The following OSBPL11 variants were observed in gnomAD, a reference collection of about 807,000 sequenced individuals.
The protein encoded by OSBPL11 is oxysterol binding protein like 11.
OSBPL11 carries 33 observed loss-of-function variants against 84.4 expected under a neutral mutation model. That is an observed-to-expected ratio of 0.39 (90% CI 0.30 to 0.52). The LOEUF (loss-of-function observed/expected upper bound fraction) is 0.52. Among genes scored for constraint, OSBPL11 ranks in the 20% least tolerant of loss-of-function variants. The pLI is 0.72. For missense variants in OSBPL11, 736 were observed against 901.1 expected (o/e 0.82, Z 2.35); for synonymous variants, 276 against 310.2 (o/e 0.89, Z 1.16).
chr3:125,542,464 T>G (rs1416952042), intron 10 of OSBPL11, among the ~76,000 whole-genome samples: 2 of 151,612 alleles, frequency 1.3e-5, no homozygotes, highest in Non-Finnish European at 2.9e-5. Context: ...GCCTCCCGAG[T>G]AGCTGGGATT....
At chr3:125,588,196 T>TG (rs931294145) in intron 1 of OSBPL11, among the ~76,000 whole-genome samples, 7 of 132,936 alleles carry the variant, frequency 5.3e-5, no homozygotes, top group African/African-American at 2.1e-4. Flanking sequence ...TACTCCAGGC[T>TG]GGGCGTCAGA....
chr3:125,586,683 C>T (rs1936516297), intron 1 of OSBPL11, among the ~76,000 whole-genome samples: 1 of 151,868 alleles, frequency 6.6e-6, no homozygotes, highest in Non-Finnish European at 1.5e-5. Context: ...TGCCTGGCTA[C>T]TTTTTCTATT....
chr3:125,534,071 C>T (rs558529986), intron 11 of OSBPL11, among the ~76,000 whole-genome samples: 6 of 152,176 alleles, frequency 3.9e-5, no homozygotes, highest in South Asian at 4.2e-4. Context: ...AATACACATT[C>T]GTGTCAAGGG....
intron 7 of OSBPL11, among the ~76,000 whole-genome samples, 181 bp downstream of exon 7, chr3:125,563,517 T>A (rs1209435621): frequency 1.3e-5 from 2 of 152,170 alleles, no homozygotes; most frequent in Non-Finnish European, 2.9e-5. Flanking sequence ...CCTGGAAAAT[T>A]CAACAAGTTT....
intron 5 of OSBPL11, among the ~76,000 whole-genome samples, chr3:125,571,819 G>T (rs1264307222): frequency 2.0e-5 from 3 of 152,234 alleles, no homozygotes; most frequent in Non-Finnish European, 4.4e-5. Context: ...GGGCTGTCAT[G>T]GAGAACCTCT....
At chr3:125,537,263 G>A (rs183691682) in intron 11 of OSBPL11, among the ~76,000 whole-genome samples, 3 of 152,048 alleles carry the variant, frequency 2.0e-5, no homozygotes, top group African/African-American at 4.8e-5. Flanking sequence ...AGGGGCATGC[G>A]AGTACATGGC....
intron 9 of OSBPL11, among the ~76,000 whole-genome samples, chr3:125,550,658 C>T (rs1244680091): frequency 6.6e-6 from 1 of 152,160 alleles, no homozygotes; most frequent in East Asian, 1.9e-4. Flanking sequence ...TTTCCTTTAA[C>T]ATAAAAGTGG....
rs751376485 is a variant in OSBPL11 at position 125,560,570 on chromosome 3, C to T, written c.1015-51G>A. 3 of 1,399,296 alleles carry T rather than the reference C, an allele frequency of 2.1e-6. No individual in the cohort carries two copies. In the Admixed American group the frequency reaches 6.9e-5, roughly 32 times the overall value. 86.7% of individuals were successfully genotyped at this position (1,399,296 alleles called of 1,614,324 possible). A position where few individuals can be genotyped will look rare whatever the true frequency, so the allele number is the denominator to read the frequency against. Reference sequence around the variant, plus strand: ...TAGTATTTTAACTACCTATTCATATCCATTGAGAACAAAACAATAAATATC... The same window carrying T: ...TAGTATTTTAACTACCTATTCATATTCATTGAGAACAAAACAATAAATATC... On this transcript the variant is annotated intron_variant, in intron 7 of 12. Coordinates refer to ENST00000296220, the MANE Select transcript of OSBPL11 (RefSeq NM_022776.5).
rs542073303 is a variant in OSBPL11 at position 125,537,301 on chromosome 3, C to T, written c.2024+1150G>A. Among the ~76,000 whole-genome samples, 18 of 152,108 alleles carry T rather than the reference C, an allele frequency of 1.2e-4. 1 individual carries two copies. The highest frequency in any genetic ancestry group is 2.2e-4 in the Non-Finnish European group (15 of 68,006). ...TGAAGAATATAATGACTGCTTGTGA[C>T]GTTTGGTGCCACTGCCTAGATTAGT... On this transcript the variant is annotated intron_variant, in intron 11 of 12. Coordinates refer to ENST00000296220, the MANE Select transcript of OSBPL11 (RefSeq NM_022776.5).
At chr3:125,569,448 T>A (rs1936211396) in intron 5 of OSBPL11, among the ~76,000 whole-genome samples, 1 of 152,254 alleles carries the variant, frequency 6.6e-6, no homozygotes. Context: ...TATTAATATA[T>A]ACACATTTAT....
At chr3:125,556,273 A>G (rs1400164685) in intron 8 of OSBPL11, among the ~76,000 whole-genome samples, 1 of 152,164 alleles carries the variant, frequency 6.6e-6, no homozygotes, top group African/African-American at 2.4e-5. Flanking sequence ...CATCTTTTCA[A>G]ACCTCAGGAT....
At chr3:125,572,613 T>C (rs1395117663) in intron 5 of OSBPL11, among the ~76,000 whole-genome samples, 2 of 151,830 alleles carry the variant, frequency 1.3e-5, no homozygotes, top group Non-Finnish European at 2.9e-5. Flanking sequence ...AAAGAGGAGT[T>C]CCCCTGCACA....
At chr3:125,549,799 T>C (rs1012081826) in intron 9 of OSBPL11, among the ~76,000 whole-genome samples, 5 of 152,220 alleles carry the variant, frequency 3.3e-5, no homozygotes, top group South Asian at 2.1e-4. Context: ...TCTTCACTTC[T>C]TGAAGTACTT....
intron 4 of OSBPL11, among the ~76,000 whole-genome samples, 179 bp downstream of exon 4, chr3:125,578,781 A>G (rs1467950449): frequency 6.6e-6 from 1 of 151,982 alleles, no homozygotes; most frequent in Non-Finnish European, 1.5e-5. Flanking sequence ...AAAAAAAAAA[A>G]GAAAGTTACA....
chr3:125,565,570 GA>G (rs1936141113), intron 6 of OSBPL11, among the ~76,000 whole-genome samples: 1 of 152,072 alleles, frequency 6.6e-6, no homozygotes, highest in Non-Finnish European at 1.5e-5. Flanking sequence ...AAACTAAGAA[GA>G]AAAAAGAGAA....
intron 10 of OSBPL11, among the ~76,000 whole-genome samples, 195 bp downstream of exon 10, chr3:125,547,211 A>G (rs1935833151): frequency 6.6e-6 from 1 of 152,264 alleles, no homozygotes; most frequent in South Asian, 2.1e-4. Context: ...TTTTAAGAGT[A>G]GATATCTTAA....
rs1360000902 is a variant in OSBPL11, at chr3:125,555,989, A to G, written c.1156-3310T>C. 3.3e-5 allele frequency among the ~76,000 whole-genome samples: 5 copies of G among 152,204 alleles called. No homozygotes were observed. The East Asian group carries it at 9.6e-4, about 29-fold the overall frequency. On this transcript the variant is annotated intron_variant, in intron 8 of 12. Transcript: ENST00000296220. ...TGAGCCACTGCACCTGGCCACAAGT[A>G]ACAAATTCTATCTAAACCAGCAATG...
intron 6 of OSBPL11, among the ~76,000 whole-genome samples, chr3:125,566,299 C>T (rs950137050): frequency 6.6e-6 from 1 of 152,122 alleles, no homozygotes; most frequent in African/African-American, 2.4e-5. Context: ...AGCCACCGTG[C>T]CTGGCCCCTA....
intron 11 of OSBPL11, among the ~76,000 whole-genome samples, chr3:125,537,463 G>A (rs1935658976): frequency 6.6e-6 from 1 of 152,136 alleles, no homozygotes; most frequent in African/African-American, 2.4e-5. Context: ...AAGGTCTCAA[G>A]GACCCAACAG....
Sources: allele counts gnomAD v4.1 joint callset (sites outside exome capture counted in the v4.1 genomes callset), GRCh38; gene constraint gnomAD v4.1.1; transcripts MANE v1.5; gene names NCBI Gene and HGNC (gene_info 2026-07-23, HGNC 2026-07-21).